The following DSCAM variants were observed in gnomAD, a reference collection of about 807,000 sequenced individuals.
DSCAM encodes the protein DS cell adhesion molecule.
A neutral mutation model predicts 217.7 loss-of-function variants in DSCAM; 47 were observed. The ratio of observed to expected loss-of-function variants is 0.22; its 90% CI spans 0.17 to 0.28. The LOEUF (loss-of-function observed/expected upper bound fraction) is 0.28. DSCAM is among the 10% of genes least tolerant of loss of function. The pLI, the probability that DSCAM is intolerant of heterozygous loss-of-function variation, is 1.00. For missense variants in DSCAM, 2,080 were observed against 2,618.3 expected (o/e 0.79, Z 4.49); for synonymous variants, 1,056 against 1,015.3 (o/e 1.04, Z -0.76).
intron 20 of DSCAM, among the ~76,000 whole-genome samples, chr21:40,122,531 T>A (rs2090046385): frequency 6.6e-6 from 1 of 152,198 alleles, no homozygotes; most frequent in Non-Finnish European, 1.5e-5. Context: ...ATACGGGACA[T>A]GTCAGTGATA....
In DSCAM at chr21:40,246,991, G is replaced by A. The variant is rs556099789; in HGVS notation, c.2356+29106C>T. On this transcript the variant is annotated intron_variant, in intron 11 of 32. Transcript: ENST00000400454. Reference sequence around the variant, plus strand: ...TCAGCATCATGGGGCGCAGGGAAAGGCACTTCTTACATGGTGGCAGCAAGA... The same window carrying A: ...TCAGCATCATGGGGCGCAGGGAAAGACACTTCTTACATGGTGGCAGCAAGA... 5.5e-4 allele frequency among the ~76,000 whole-genome samples: 83 copies of A among 152,244 alleles called. 1 individual carries two copies. Among genetic ancestry groups the A allele is most frequent in the African/African-American group, 1.9e-3 (79 of 41,540 alleles).
At chr21:40,573,317 G>A (rs113560941) in intron 3 of DSCAM, among the ~76,000 whole-genome samples, 51 of 152,016 alleles carry the variant, frequency 3.4e-4, no homozygotes, top group African/African-American at 1.1e-3. Flanking sequence ...CAGCCTGGGC[G>A]ACAGAGCAAG....
intron 3 of DSCAM, among the ~76,000 whole-genome samples, chr21:40,391,370 T>C (rs1013473510): frequency 6.6e-6 from 1 of 152,224 alleles, no homozygotes; most frequent in Non-Finnish European, 1.5e-5. Context: ...CCACCTGCTG[T>C]TTGAAATAAG....
chr21:40,549,064 G>T (rs2076608153), intron 3 of DSCAM, among the ~76,000 whole-genome samples: 1 of 152,106 alleles, frequency 6.6e-6, no homozygotes, highest in Non-Finnish European at 1.5e-5. Flanking sequence ...AATTAACTGG[G>T]TGTGGTGGTG....
intron 3 of DSCAM, among the ~76,000 whole-genome samples, chr21:40,614,361 G>A (rs946464148): frequency 1.3e-5 from 2 of 152,150 alleles, no homozygotes; most frequent in Non-Finnish European, 2.9e-5. Context: ...TGTTTAAAGG[G>A]TTTCTGGCTA....
In DSCAM at chr21:40,012,957, G is replaced by A. The variant is rs1180836087; in HGVS notation, c.*77C>T. ...CAATTTTCTTTAATTATAAATATTG[G>A]AATTCCGTAAAAAAAAGGTAGCTTT... On this transcript the variant is annotated 3_prime_UTR_variant, in exon 33 of 33. Coordinates refer to ENST00000400454, the MANE Select transcript of DSCAM (RefSeq NM_001389.5). The A allele has an allele frequency of 9.3e-7, 1 of 1,072,974 alleles. No homozygotes were observed. Among genetic ancestry groups the A allele is most frequent in the Middle Eastern group, 3.0e-4 (1 of 3,308 alleles). The allele number at this position is 1,072,974 out of a possible 1,614,324, so 66.5% of individuals were successfully genotyped here.
chr21:40,321,180 C>G (rs928472706), intron 8 of DSCAM, among the ~76,000 whole-genome samples: 4 of 152,198 alleles, frequency 2.6e-5, no homozygotes, highest in Non-Finnish European at 5.9e-5. Flanking sequence ...TCTTCCTTCT[C>G]TCTCCCTGAT....
At chr21:40,639,901 T>C (rs2089856571) in intron 3 of DSCAM, among the ~76,000 whole-genome samples, 1 of 152,160 alleles carries the variant, frequency 6.6e-6, no homozygotes, top group South Asian at 2.1e-4. Flanking sequence ...TTTTTCTTAA[T>C]GGGAGGAGAA....
intron 32 of DSCAM, among the ~76,000 whole-genome samples, chr21:40,019,151 T>G (rs1055782417): frequency 1.3e-5 from 2 of 152,260 alleles, no homozygotes; most frequent in African/African-American, 4.8e-5. Context: ...CTGGATTCTC[T>G]AATTGTCCTC....
At chr21:40,493,348 G>A (rs1031910078) in intron 3 of DSCAM, among the ~76,000 whole-genome samples, 1 of 152,072 alleles carries the variant, frequency 6.6e-6, no homozygotes, top group Non-Finnish European at 1.5e-5. Context: ...TCTACAGGCT[G>A]AAAGAACATT....
rs553574709 is a variant in DSCAM at position 40,454,063 on chromosome 21, C to T, written c.509-84818G>A. Among the ~76,000 whole-genome samples the T allele has an allele frequency of 8.5e-5, 13 of 152,310 alleles. No homozygotes were observed. In the South Asian group the frequency reaches 1.9e-3, roughly 22 times the overall value. ...AAACACATCCTAATGAGCAAACTTA[C>T]GGACTGAAACAGAAAGATATATATA... is the stretch of plus-strand genomic sequence containing the variant. On this transcript the variant is annotated intron_variant, in intron 3 of 32. Transcript: ENST00000400454.
chr21:40,823,612 A>C (rs540325657), intron 1 of DSCAM, among the ~76,000 whole-genome samples: 3 of 152,348 alleles, frequency 2.0e-5, no homozygotes, highest in South Asian at 4.1e-4. Context: ...GCTAACAGGA[A>C]CCAAAATTGA....
At chr21:40,262,503 T>C (rs2073466530) in intron 11 of DSCAM, among the ~76,000 whole-genome samples, 1 of 152,080 alleles carries the variant, frequency 6.6e-6, no homozygotes, top group African/African-American at 2.4e-5. Context: ...AGAAAACAAA[T>C]CAAGACAATA....
chr21:40,186,499 G>A (rs956454951), intron 14 of DSCAM, among the ~76,000 whole-genome samples: 1 of 152,102 alleles, frequency 6.6e-6, no homozygotes, highest in East Asian at 1.9e-4. Context: ...AAAATGGCCC[G>A]GGCATTGTTC....
chr21:40,150,519 G>A (rs1405350996), intron 16 of DSCAM, among the ~76,000 whole-genome samples: 1 of 152,088 alleles, frequency 6.6e-6, no homozygotes, highest in Non-Finnish European at 1.5e-5. Context: ...ATAAATGTAG[G>A]GATTTTGTAT....
chr21:40,344,865 C>T (rs539264562), intron 6 of DSCAM, among the ~76,000 whole-genome samples: 4 of 152,200 alleles, frequency 2.6e-5, no homozygotes, highest in Non-Finnish European at 4.4e-5. Context: ...TTCTGCATTC[C>T]GTATCTCCTA....
At chr21:40,649,757 G>T (rs1002673419) in intron 3 of DSCAM, among the ~76,000 whole-genome samples, 1 of 152,218 alleles carries the variant, frequency 6.6e-6, no homozygotes, top group African/African-American at 2.4e-5. Flanking sequence ...GTTGAGCCCA[G>T]CTATGCCAGC....
chr21:40,525,460 T>C (rs1029652906), intron 3 of DSCAM, among the ~76,000 whole-genome samples: 2 of 152,164 alleles, frequency 1.3e-5, no homozygotes, highest in South Asian at 2.1e-4. Context: ...TCATACAAAG[T>C]GGGTCTTTGT....
chr21:40,055,000 G>A (rs1394273049), intron 29 of DSCAM, among the ~76,000 whole-genome samples: 1 of 152,184 alleles, frequency 6.6e-6, no homozygotes, highest in Admixed American at 6.5e-5. Context: ...ATTATTACTG[G>A]AAAGGAAATA....
Sources: allele counts gnomAD v4.1 joint callset (sites outside exome capture counted in the v4.1 genomes callset), GRCh38; gene constraint gnomAD v4.1.1; transcripts MANE v1.5; gene names NCBI Gene and HGNC (gene_info 2026-07-23, HGNC 2026-07-21).